Variants in RAF1 observed in about 807,000 individuals in gnomAD.
The protein encoded by RAF1 is RAF proto-oncogene serine/threonine-protein kinase.
A neutral mutation model predicts 81.1 loss-of-function variants in RAF1; 27 were observed. The observed-to-expected ratio is 0.33, with a 90% CI of 0.25 to 0.46. The LOEUF is 0.46. Ranked by LOEUF, RAF1 falls within the 20% of genes least tolerant of loss-of-function variation. The pLI is 1.00. For missense variants in RAF1, 598 were observed against 826.0 expected (o/e 0.72, Z 3.38); for synonymous variants, 298 against 294.0 (o/e 1.01, Z -0.14).
intron 1 of RAF1, among the ~76,000 whole-genome samples, chr3:12,640,439 G>GA (rs1410440401): frequency 6.7e-6 from 1 of 148,852 alleles, no homozygotes; most frequent in African/African-American, 2.4e-5. Context: ...GCAACCTACA[G>GA]AATGGGAGAA....
At chr3:12,587,747 G>T in intron 13 of RAF1, 110 bp from the exon 13 acceptor site, 1 of 866,286 alleles carries the variant, frequency 1.2e-6, no homozygotes, top group Non-Finnish European at 1.9e-6. Context: ...TCCAAGGAGT[G>T]TTACACACAG....
intron 1 of RAF1, among the ~76,000 whole-genome samples, chr3:12,639,017 G>T (rs1448756425): frequency 2.9e-3 from 2 of 698 alleles, no homozygotes; most frequent in Admixed American, 0.019. Context: ...TGATCACGGT[G>T]GATAAGCTTT....
intron 11 of RAF1, among the ~76,000 whole-genome samples, chr3:12,598,741 A>C (rs919906293): frequency 1.3e-5 from 2 of 149,498 alleles, no homozygotes; most frequent in Non-Finnish European, 3.0e-5. Context: ...AAAAAAAAAA[A>C]AAAAAAAAAA....
At chr3:12,605,295 A>AT (rs1485253380) in intron 6 of RAF1, among the ~76,000 whole-genome samples, 6 of 99,820 alleles carry the variant, frequency 6.0e-5, no homozygotes, top group Admixed American at 1.9e-4. Context: ...TACATAATAT[A>AT]TTTTTTTTTG....
intron 13 of RAF1, 116 bp downstream of exon 12, chr3:12,590,682 G>A (rs1020855186): frequency 6.6e-6 from 8 of 1,220,314 alleles, no homozygotes; most frequent in Non-Finnish European, 9.5e-6. Flanking sequence ...CCAGAGGCTT[G>A]TGCAAAGATA....
rs2060971923 is a variant in RAF1, at chr3:12,664,040, G to C, written c.-254C>G. ...CCCTTTTCGGGGCCCAAAAAAGGCA[G>C]CAGAAAGCCGTTCCCGCCTCACAAT... On this transcript the variant is annotated 5_prime_UTR_variant, in exon 1 of 18. Transcript: ENST00000442415. The C allele has an allele frequency of 2.5e-6, 1 of 398,376 alleles. No individual in the cohort carries two copies. The highest frequency in any genetic ancestry group is 4.4e-6 in the Non-Finnish European group (1 of 225,990). The allele number at this position is 398,376 out of a possible 1,614,324, so 24.7% of individuals were successfully genotyped here. A position where few individuals can be genotyped will look rare whatever the true frequency, so the allele number is the denominator to read the frequency against.
At chr3:12,635,657 A>AG (rs1491042918) in intron 1 of RAF1, among the ~76,000 whole-genome samples, 48 of 131,900 alleles carry the variant, frequency 3.6e-4, no homozygotes, top group African/African-American at 1.2e-3. Flanking sequence ...AAAAAAAAAA[A>AG]AAAGAGAGAG....
At chr3:12,613,577 C>G (rs2059285272) in intron 2 of RAF1, among the ~76,000 whole-genome samples, 1 of 152,166 alleles carries the variant, frequency 6.6e-6, no homozygotes, top group Non-Finnish European at 1.5e-5. Context: ...GCCAATCCAG[C>G]CAACCTTCTC....
intron 1 of RAF1, among the ~76,000 whole-genome samples, chr3:12,652,514 C>A (rs548726535): frequency 1.3e-5 from 2 of 151,750 alleles, no homozygotes; most frequent in Non-Finnish European, 2.9e-5. Context: ...AAGCTAGACT[C>A]GGTCTCAAAG....
chr3:12,600,305 C>G (rs979641597), intron 9 of RAF1, 26 bp from the exon 9 acceptor site: 14 of 1,613,996 alleles, frequency 8.7e-6, no homozygotes, highest in Non-Finnish European at 1.2e-5. Context: ...AAACAGAAGC[C>G]ACACAAGGAT....
intron 1 of RAF1, among the ~76,000 whole-genome samples, chr3:12,660,104 A>G (rs936320435): frequency 6.6e-6 from 1 of 152,196 alleles, no homozygotes; most frequent in African/African-American, 2.4e-5. Flanking sequence ...CTTAATCTTC[A>G]GAGCAAACAA....
intron 1 of RAF1, among the ~76,000 whole-genome samples, chr3:12,657,528 T>C (rs966008842): frequency 2.0e-5 from 3 of 152,038 alleles, no homozygotes; most frequent in African/African-American, 7.2e-5. Context: ...TCCCAGCACT[T>C]TGGGAGGCCG....
chr3:12,632,756 T>G (rs2059901758), intron 1 of RAF1, among the ~76,000 whole-genome samples: 5 of 152,196 alleles, frequency 3.3e-5, no homozygotes. Context: ...TTTATAAGCA[T>G]GATTGAGTTT....
intron 1 of RAF1, among the ~76,000 whole-genome samples, chr3:12,624,658 C>T (rs1469567471): frequency 6.6e-6 from 1 of 152,110 alleles, no homozygotes; most frequent in African/African-American, 2.4e-5. Context: ...AATGCAGTCT[C>T]TTATGAATGG....
intron 7 of RAF1, chr3:12,603,600 A>G: frequency 1.5e-6 from 1 of 655,238 alleles, no homozygotes; most frequent in Non-Finnish European, 2.8e-6. Context: ...AAGTGTATTC[A>G]GTTGTTATTA....
At chr3:12,641,769 C>T (rs2060194095) in intron 1 of RAF1, among the ~76,000 whole-genome samples, 1 of 152,056 alleles carries the variant, frequency 6.6e-6, no homozygotes, top group Non-Finnish European at 1.5e-5. Context: ...TGGGATTACA[C>T]ATGTGAACCA....
At chr3:12,660,929 G>T (rs1032472368) in intron 1 of RAF1, among the ~76,000 whole-genome samples, 1 of 152,086 alleles carries the variant, frequency 6.6e-6, no homozygotes, top group South Asian at 2.1e-4. Context: ...AGCCAAGATC[G>T]CACCACTGCG....
chr3:12,586,018 G>T, intron 14 of RAF1: 2 of 531,990 alleles, frequency 3.8e-6, no homozygotes, highest in Admixed American at 3.1e-5. Context: ...AGATTATTTG[G>T]CCCTAGCCAA....
intron 8 of RAF1, among the ~76,000 whole-genome samples, chr3:12,603,172 C>T (rs2058916945): frequency 6.6e-6 from 1 of 152,144 alleles, no homozygotes; most frequent in Non-Finnish European, 1.5e-5. Flanking sequence ...CTTCTGGGCT[C>T]CAGTGATCCT....
Sources: allele counts gnomAD v4.1 joint callset (sites outside exome capture counted in the v4.1 genomes callset), GRCh38; gene constraint gnomAD v4.1.1; transcripts MANE v1.5; gene names NCBI Gene and HGNC (gene_info 2026-07-23, HGNC 2026-07-21).